Variants in SRPK1 observed in about 807,000 individuals in gnomAD.
SRPK1 encodes SRSF protein kinase 1, also known as SFRS protein kinase 1.
A neutral mutation model predicts 89.5 loss-of-function variants in SRPK1; 52 were observed. The ratio of observed to expected loss-of-function variants is 0.58; its 90% CI spans 0.46 to 0.73. The LOEUF (loss-of-function observed/expected upper bound fraction) is 0.73. Ranked by LOEUF, SRPK1 falls within the 30% of genes least tolerant of loss-of-function variation. SRPK1 has a pLI of 0.00. For missense variants in SRPK1, 603 were observed against 780.6 expected (o/e 0.77, Z 2.71); for synonymous variants, 255 against 270.2 (o/e 0.94, Z 0.55).
chr6:35,872,634 T>C lies in SRPK1; in HGVS notation c.680A>G (p.Tyr227Cys). The C allele has an allele frequency of 6.2e-7, 1 of 1,612,588 alleles. No individual in the cohort carries two copies. The highest frequency in any genetic ancestry group is 8.5e-7 in the Non-Finnish European group (1 of 1,179,328). ...ENILLSVNEQ[Y>C]IRRLAAEATE... ...TGCTTCTGCAGCCAGCCTCCGAATG[T>C]ACTGCTCATTCACTGACAATAAGAT... is the stretch of plus-strand genomic sequence containing the variant. Residue 227 changes from tyrosine (Y) to cysteine (C), a missense_variant, in exon 8 of 16, where the codon TAC becomes TGC. Physicochemically the swap from Tyr to Cys is radical, Grantham distance 194 (BLOSUM62 -2). Coordinates refer to ENST00000373825, the MANE Select transcript of SRPK1 (RefSeq NM_003137.5).
At chr6:35,913,563 CCA>C in intron 2 of SRPK1, among the ~76,000 whole-genome samples, 1 of 151,960 alleles carries the variant, frequency 6.6e-6, no homozygotes, top group East Asian at 1.9e-4. Context: ...CTTTGGGAGG[CCA>C]GGGTAGGTGA....
At chr6:35,882,115 GTAC>G (rs1400817366) in intron 6 of SRPK1, among the ~76,000 whole-genome samples, 27 of 110,646 alleles carry the variant, frequency 2.4e-4, no homozygotes, top group Admixed American at 1.1e-3. Flanking sequence ...AGTAGTAGTA[GTAC>G]TAGTAGTAGT....
At position 35,874,282 on chromosome 6, in the gene SRPK1, G is replaced by C. The variant is rs752108908; in HGVS notation, c.536C>G (p.Ser179Cys). 6.2e-7 allele frequency: 1 copy of C among 1,613,430 alleles called. No individual in the cohort carries two copies. Among genetic ancestry groups the C allele is most frequent in the Non-Finnish European group, 8.5e-7 (1 of 1,179,676 alleles). Residue 179 changes from serine (S) to cysteine (C), a missense_variant, in exon 7 of 16, where the codon TCC (serine) becomes TGC (cysteine). By Grantham distance (112) the Ser-to-Cys change is moderately radical. Coordinates refer to ENST00000373825, the MANE Select transcript of SRPK1 (RefSeq NM_003137.5). Reference sequence around the variant, plus strand: ...AGGCAGTGGAAGCCCCTGATAATTGGATTTGATGATCCACTTGAGCAGATG... The same window carrying C: ...AGGCAGTGGAAGCCCCTGATAATTGCATTTGATGATCCACTTGAGCAGATG... ...GHHLLKWIIK[S>C]NYQGLPLPCV...
rs1374868277 is a variant in SRPK1, at chr6:35,869,367, T to G, written c.1411+115A>C. 4 of 1,285,316 alleles carry G rather than the reference T, an allele frequency of 3.1e-6. No homozygotes were observed. The African/African-American group carries it at 5.9e-5, about 19-fold the overall frequency. The allele number at this position is 1,285,316 out of a possible 1,614,324, so 79.6% of individuals were successfully genotyped here. ...CTACAGATTACAATTTAAACGTAACTTAGACACACCTGTTGTAAAGCTATA... is the reference window on the plus strand; with the variant it reads ...CTACAGATTACAATTTAAACGTAACGTAGACACACCTGTTGTAAAGCTATA... On this transcript the variant is annotated intron_variant, in intron 11 of 15. Transcript: ENST00000373825.
intron 2 of SRPK1, among the ~76,000 whole-genome samples, chr6:35,915,995 TATACACAC>T (rs1311229814): frequency 0.05 from 2,705 of 54,646 alleles, 146 homozygotes; most frequent in Middle Eastern, 0.1. Flanking sequence ...AAAAAAAATA[TATACACAC>T]ACACACACAC....
intron 13 of SRPK1, among the ~76,000 whole-genome samples, chr6:35,843,830 T>A (rs1769370382): frequency 6.6e-6 from 1 of 151,980 alleles, no homozygotes; most frequent in African/African-American, 2.4e-5. Context: ...AAGTCAGCAC[T>A]CCCTAATTAG....
At chr6:35,901,407 C>T (rs1770736578) in intron 2 of SRPK1, among the ~76,000 whole-genome samples, 1 of 152,128 alleles carries the variant, frequency 6.6e-6, no homozygotes, top group Non-Finnish European at 1.5e-5. Context: ...GAAAAGATGG[C>T]CATCTACAAG....
chr6:35,888,143 A>C (rs1482685323), intron 4 of SRPK1, 32 bp from the exon 5 acceptor site: 1 of 1,455,146 alleles, frequency 6.9e-7, no homozygotes, highest in African/African-American at 1.4e-5. Flanking sequence ...TTAAGACTAC[A>C]TAGCCTACCC....
At chr6:35,845,442 C>T (rs1447004300) in intron 13 of SRPK1, among the ~76,000 whole-genome samples, 1 of 152,080 alleles carries the variant, frequency 6.6e-6, no homozygotes, top group Non-Finnish European at 1.5e-5. Flanking sequence ...AGAAACAAAC[C>T]CAAATAAAAC....
chr6:35,855,082 AC>A (rs1445887285), intron 13 of SRPK1, among the ~76,000 whole-genome samples: 3 of 152,144 alleles, frequency 2.0e-5, no homozygotes, highest in Non-Finnish European at 2.9e-5. Flanking sequence ...TGGGCGGATC[AC>A]AAGGTCAGGA....
At chr6:35,885,503 CCTT>C (rs925197990) in intron 6 of SRPK1, among the ~76,000 whole-genome samples, 1 of 152,148 alleles carries the variant, frequency 6.6e-6, no homozygotes, top group African/African-American at 2.4e-5. Flanking sequence ...CTTTCCCATC[CCTT>C]CCTTCCTGCT....
intron 14 of SRPK1, 110 bp from the exon 15 acceptor site, chr6:35,838,539 A>G: frequency 7.6e-7 from 1 of 1,312,996 alleles, no homozygotes; most frequent in Non-Finnish European, 1.0e-6. Context: ...CTCTTTGTAA[A>G]GCCTATCAGG....
Position 35,833,309 on chromosome 6 carries a change from G to A in SRPK1, c.*1995C>T, listed in dbSNP as rs1299701530. Reference sequence around the variant, plus strand: ...GAAAAAGCCCTTATTTGGTGGAGAAGCATTTCCAAAATGAAGTTACAGGTT... The same window carrying A: ...GAAAAAGCCCTTATTTGGTGGAGAAACATTTCCAAAATGAAGTTACAGGTT... On this transcript the variant is annotated 3_prime_UTR_variant, in exon 16 of 16. Transcript: ENST00000373825. The A allele has an allele frequency of 3.9e-5, 6 of 152,422 alleles. No homozygotes were observed. The highest frequency in any genetic ancestry group is 1.3e-4 in the Admixed American group (2 of 15,268). 9.4% of individuals were successfully genotyped at this position (152,422 alleles called of 1,614,324 possible).
intron 7 of SRPK1, among the ~76,000 whole-genome samples, chr6:35,873,551 G>A (rs374787660): frequency 1.4e-4 from 21 of 151,414 alleles, no homozygotes; most frequent in Non-Finnish European, 2.4e-4. Flanking sequence ...GCGCGGTGGC[G>A]CGATCTCAGC....
intron 6 of SRPK1, among the ~76,000 whole-genome samples, chr6:35,884,485 G>A (rs752607348): frequency 3.3e-5 from 5 of 152,226 alleles, no homozygotes; most frequent in Non-Finnish European, 7.3e-5. Context: ...GGGAAAACGG[G>A]TAGAGGCAGG....
chr6:35,881,015 T>C (rs1446326098), intron 6 of SRPK1, among the ~76,000 whole-genome samples: 3 of 151,962 alleles, frequency 2.0e-5, no homozygotes, highest in South Asian at 2.1e-4. Flanking sequence ...TCAAAAATTT[T>C]TGGAGGCCAG....
At position 35,897,454 on chromosome 6, in the gene SRPK1, T is replaced by G. The variant is rs572069482; in HGVS notation, c.75-6441A>C. ...GGGTAAAAGTAGTTGCTTTAGGAAG[T>G]AGACCTATGTCTAGGGAAAAGGTGA... On this transcript the variant is annotated intron_variant, in intron 2 of 15. Coordinates refer to ENST00000373825, the MANE Select transcript of SRPK1 (RefSeq NM_003137.5). 3.9e-5 allele frequency among the ~76,000 whole-genome samples: 6 copies of G among 152,336 alleles called. No homozygotes were observed. The East Asian group carries it at 7.7e-4, about 20-fold the overall frequency.
intron 6 of SRPK1, among the ~76,000 whole-genome samples, chr6:35,874,771 C>T (rs191067259): frequency 1.9e-4 from 29 of 152,244 alleles, no homozygotes; most frequent in Non-Finnish European, 2.1e-4. Context: ...CAAATTATTC[C>T]TTAACTATAG....
At chr6:35,868,165 G>A (rs1262275551) in intron 12 of SRPK1, among the ~76,000 whole-genome samples, 1 of 151,854 alleles carries the variant, frequency 6.6e-6, no homozygotes, top group Non-Finnish European at 1.5e-5. Context: ...AGTAGAGACG[G>A]GATTTCTCCA....
Sources: gnomAD v4.1 joint callset for allele counts (sites outside exome capture counted in the v4.1 genomes callset) on GRCh38, gnomAD v4.1.1 for gene constraint, MANE v1.5 for transcripts, NCBI Gene and HGNC (gene_info 2026-07-23, HGNC 2026-07-21) for gene names.